PREX1: variants seen among roughly 807,000 people sequenced by gnomAD.
The protein encoded by PREX1 is phosphatidylinositol 3,4,5-trisphosphate-dependent Rac exchanger 1 protein.
A neutral mutation model predicts 198.3 loss-of-function variants in PREX1; 41 were observed. The observed-to-expected ratio is 0.21, with a 90% CI of 0.16 to 0.27. The LOEUF (loss-of-function observed/expected upper bound fraction) is 0.27. PREX1 is among the 10% of genes least tolerant of loss of function. The probability of loss-of-function intolerance (pLI) is 1.00; values close to 1 mark genes in which losing one functional copy is unlikely to be tolerated. For missense variants in PREX1, 1,620 were observed against 2,200.7 expected (o/e 0.74, Z 5.28); for synonymous variants, 843 against 887.2 (o/e 0.95, Z 0.89).
At chr20:48,776,441 G>A (rs575013864) in intron 1 of PREX1, among the ~76,000 whole-genome samples, 99 of 152,328 alleles carry the variant, frequency 6.5e-4, no homozygotes, top group African/African-American at 2.2e-3. Flanking sequence ...TGTGGGAGGG[G>A]ATGGCAGCTG....
At chr20:48,636,362 CA>C in intron 32 of PREX1, 100 bp downstream of exon 32, 1 of 1,231,486 alleles carries the variant, frequency 8.1e-7, no homozygotes, top group East Asian at 2.5e-5. Flanking sequence ...ATGACGAGGC[CA>C]GGGGGAGCCT....
intron 5 of PREX1, among the ~76,000 whole-genome samples, chr20:48,721,123 G>T (rs1260045048): frequency 1.3e-5 from 2 of 152,246 alleles, no homozygotes; most frequent in African/African-American, 2.4e-5. Context: ...TTCAGAAACA[G>T]TTGGCAAGAA....
At chr20:48,640,515 A>C (rs2089400891) in intron 29 of PREX1, among the ~76,000 whole-genome samples, 1 of 152,114 alleles carries the variant, frequency 6.6e-6, no homozygotes, top group Non-Finnish European at 1.5e-5. Context: ...CATCCCTGAA[A>C]GCTGATCCTG....
intron 13 of PREX1, among the ~76,000 whole-genome samples, chr20:48,678,566 A>G (rs926435054): frequency 1.3e-5 from 2 of 152,218 alleles, no homozygotes; most frequent in African/African-American, 4.8e-5. Context: ...GGCAGCTCTC[A>G]TAATTCCCAC....
chr20:48,868,829 T>C, the PREX1 span, among the ~76,000 whole-genome samples: 1 of 152,166 alleles, frequency 6.6e-6, no homozygotes, highest in Non-Finnish European at 1.5e-5. Flanking sequence ...AAACACATTG[T>C]TTTACACCGT....
chr20:48,733,445 T>G (rs1420686365), intron 4 of PREX1, among the ~76,000 whole-genome samples: 1 of 152,224 alleles, frequency 6.6e-6, no homozygotes, highest in African/African-American at 2.4e-5. Context: ...CTAGGATTTT[T>G]GCTGTTACTA....
At chr20:48,736,122 A>G (rs1253237794) in intron 3 of PREX1, among the ~76,000 whole-genome samples, 1 of 152,172 alleles carries the variant, frequency 6.6e-6, no homozygotes, top group Non-Finnish European at 1.5e-5. Flanking sequence ...TATATGTGAA[A>G]TGAGTAGAAC....
chr20:48,631,233 G>C (rs983554361), intron 35 of PREX1, among the ~76,000 whole-genome samples: 2 of 152,206 alleles, frequency 1.3e-5, no homozygotes, highest in African/African-American at 4.8e-5. Context: ...GGAAAGTCTC[G>C]ATCGCGGCCA....
rs765492526 is a variant in PREX1 at position 48,658,087 on chromosome 20, C to T, written c.1974+49G>A. ...TCAAGGAGGGTGAAGAGAGACACCC[C>T]GCTCTGCCACCTGCACACGGTCCCT... On this transcript the variant is annotated intron_variant, in intron 17 of 39. Transcript: ENST00000371941. 3.5e-5 allele frequency: 54 copies of T among 1,562,774 alleles called. 1 individual carries two copies. In the South Asian group the frequency reaches 5.1e-4, roughly 15 times the overall value.
chr20:48,811,032 G>GA (rs1423338630), intron 1 of PREX1, among the ~76,000 whole-genome samples: 49 of 152,334 alleles, frequency 3.2e-4, no homozygotes, highest in African/African-American at 1.2e-3. Context: ...GTGCCCTGCA[G>GA]AAGGGGCAGC....
chr20:48,869,871 A>G, the PREX1 span, among the ~76,000 whole-genome samples: 2 of 152,238 alleles, frequency 1.3e-5, no homozygotes, highest in Admixed American at 6.5e-5. Context: ...GGGAGAGAGC[A>G]TTAGGACAAA....
At chr20:48,707,040 T>C (rs2089906957) in intron 6 of PREX1, among the ~76,000 whole-genome samples, 1 of 152,122 alleles carries the variant, frequency 6.6e-6, no homozygotes, top group Non-Finnish European at 1.5e-5. Context: ...TGCAAAGCCA[T>C]CCCATGGCTG....
Position 48,708,172 on chromosome 20 carries a change from A to T in PREX1, c.783+88T>A, listed in dbSNP as rs541079561. The T allele has an allele frequency of 2.3e-4, 320 of 1,397,264 alleles. No individual in the cohort carries two copies. In the African/African-American group the frequency reaches 4.3e-3, roughly 19 times the overall value. The allele number at this position is 1,397,264 out of a possible 1,614,324, so 86.6% of individuals were successfully genotyped here. ...GCCAAACAAAATACATTGCAGACTG[A>T]CAGGTGCCCAGGCCTCAGTTCATGA... On this transcript the variant is annotated intron_variant, in intron 6 of 39. Transcript: ENST00000371941.
intron 1 of PREX1, among the ~76,000 whole-genome samples, chr20:48,791,933 G>A (rs938289720): frequency 2.6e-5 from 4 of 152,314 alleles, no homozygotes; most frequent in South Asian, 2.1e-4. Context: ...TCGAGTTCCC[G>A]CACGGGGACT....
intron 14 of PREX1, 112 bp downstream of exon 14, chr20:48,676,081 T>C: frequency 1.9e-6 from 2 of 1,079,790 alleles, no homozygotes; most frequent in East Asian, 2.4e-5. Context: ...TTATGTTCTG[T>C]GCAGTTTGCC....
intron 3 of PREX1, 54 bp from the exon 4 acceptor site, chr20:48,734,704 C>A: frequency 6.6e-7 from 1 of 1,507,988 alleles, no homozygotes; most frequent in Non-Finnish European, 9.2e-7. Flanking sequence ...CAGGCAGGTG[C>A]CCTGACACAT....
At chr20:48,738,387 G>C (rs756760509) in intron 3 of PREX1, among the ~76,000 whole-genome samples, 1 of 152,206 alleles carries the variant, frequency 6.6e-6, no homozygotes, top group African/African-American at 2.4e-5. Flanking sequence ...GGAAGGGCAG[G>C]GGCCCAACGC....
intron 1 of PREX1, among the ~76,000 whole-genome samples, chr20:48,802,495 C>G (rs1170856676): frequency 2.0e-5 from 3 of 152,238 alleles, no homozygotes; most frequent in Middle Eastern, 3.2e-3. Context: ...CAGGTCCCAG[C>G]TCAAAGGCCA....
chr20:48,830,881 G>A (rs1442859680), upstream of PREX1, among the ~76,000 whole-genome samples: 1 of 152,244 alleles, frequency 6.6e-6, no homozygotes, highest in Non-Finnish European at 1.5e-5. Flanking sequence ...AATAAGTGAA[G>A]TCTTTTACAA....
Sources: gnomAD v4.1 joint callset for allele counts (sites outside exome capture counted in the v4.1 genomes callset) on GRCh38, gnomAD v4.1.1 for gene constraint, MANE v1.5 for transcripts, NCBI Gene and HGNC (gene_info 2026-07-23, HGNC 2026-07-21) for gene names.